The following TET1 variants were observed in gnomAD, a reference collection of about 807,000 sequenced individuals.
The protein encoded by TET1 is tet methylcytosine dioxygenase 1.
Under a neutral mutation model 148.7 loss-of-function variants are expected in TET1, and 13 were observed. That is an observed-to-expected ratio of 0.09 (90% CI 0.06 to 0.14). The LOEUF (loss-of-function observed/expected upper bound fraction) is 0.14, where lower values mean the gene tolerates loss of function less well. TET1 is among the 10% of genes least tolerant of loss of function. The pLI, the probability that TET1 is intolerant of heterozygous loss-of-function variation, is 1.00. For synonymous variants in TET1, 907 were observed against 937.2 expected, an observed-to-expected ratio of 0.97 and a Z score of 0.59; for missense variants, 2,182 against 2,553.8, an observed-to-expected ratio of 0.85 and a Z score of 3.14.
chr10:68,689,125 C>T (rs933168059), intron 11 of TET1, among the ~76,000 whole-genome samples: 2 of 151,946 alleles, frequency 1.3e-5, no homozygotes, highest in Non-Finnish European at 2.9e-5. Context: ...CATCATTTAC[C>T]TTCTGTGGAC....
chr10:68,569,396 G>C (rs926929767), intron 1 of TET1, among the ~76,000 whole-genome samples: 1 of 151,630 alleles, frequency 6.6e-6, no homozygotes, highest in Non-Finnish European at 1.5e-5. Flanking sequence ...GGATGGTCTC[G>C]ATCTCCTGAC....
intron 1 of TET1, among the ~76,000 whole-genome samples, chr10:68,565,180 G>A (rs1316817515): frequency 6.6e-6 from 1 of 152,014 alleles, no homozygotes; most frequent in Non-Finnish European, 1.5e-5. Flanking sequence ...GTATTTATTT[G>A]AAAATACACA....
chr10:68,660,451 T>G (rs141649194), intron 6 of TET1, among the ~76,000 whole-genome samples: 153 of 151,272 alleles, frequency 1.0e-3, no homozygotes, highest in African/African-American at 3.6e-3. Flanking sequence ...GCGATTCTCC[T>G]GTCTCAGCCT....
intron 3 of TET1, among the ~76,000 whole-genome samples, chr10:68,626,596 G>C (rs558124683): frequency 2.0e-5 from 3 of 151,786 alleles, no homozygotes; most frequent in African/African-American, 7.2e-5. Context: ...CTGTCACCAG[G>C]CTGGGGTGCA....
At position 68,682,949 on chromosome 10, in the gene TET1, C is replaced by T. The variant is rs1206625613; in HGVS notation, c.5028C>T (p.His1676=). 4 of 1,613,838 alleles carry T rather than the reference C, an allele frequency of 2.5e-6. No individual in the cohort carries two copies. The highest frequency in any genetic ancestry group is 3.4e-6 in the Non-Finnish European group (4 of 1,179,980). The change falls in exon 10 of 12, where the codon CAC becomes CAT. Residue 1676 remains histidine (H), a synonymous_variant. Coordinates refer to ENST00000373644, the MANE Select transcript of TET1 (RefSeq NM_030625.3). The part of the protein sequence containing the change: ...DFCAHPHRDI[H]NMNNGSTVVC... ...GTGCTCATCCCCACAGGGACATTCA[C>T]AACATGAATAATGGAAGCACTGTGG...
intron 6 of TET1, among the ~76,000 whole-genome samples, chr10:68,653,133 ATCTT>A (rs1335332122): frequency 3.3e-5 from 5 of 151,532 alleles, no homozygotes; most frequent in Non-Finnish European, 5.9e-5. Flanking sequence ...TAGGTTATAA[ATCTT>A]TCATTTTCTT....
chr10:68,674,387 AT>A, intron 8 of TET1: 1 of 260,502 alleles, frequency 3.8e-6, no homozygotes, highest in Non-Finnish European at 7.5e-6. Context: ...TGCTTGATCC[AT>A]TTTCTAAGAA....
chr10:68,618,558 A>G (rs2054327838), intron 3 of TET1, among the ~76,000 whole-genome samples: 1 of 152,180 alleles, frequency 6.6e-6, no homozygotes, highest in Admixed American at 6.6e-5. Context: ...TACTCCTCCA[A>G]TCTGGGACCA....
In TET1 at chr10:68,646,295, T is replaced by C; in HGVS notation, c.3566T>C (p.Ile1189Thr). The change falls in exon 4 of 12, where the codon ATT (isoleucine) becomes ACT (threonine). Residue 1189 changes from isoleucine (I) to threonine (T), a missense_variant. Ile to Thr is a moderately conservative substitution (Grantham distance 89). Transcript: ENST00000373644. ...LSYMYGTICD[I>T]WIASKFQNFG... Reference sequence around the variant, plus strand: ...TATATGTATGGCACAATATGCGACATTTGGATAGCATCGAAATTTCAAAAT... The same window carrying C: ...TATATGTATGGCACAATATGCGACACTTGGATAGCATCGAAATTTCAAAAT... 1 of 1,614,160 alleles carries C rather than the reference T, an allele frequency of 6.2e-7. No homozygotes were observed. Among genetic ancestry groups the C allele is most frequent in the Admixed American group, 1.7e-5 (1 of 60,008 alleles).
intron 6 of TET1, among the ~76,000 whole-genome samples, chr10:68,660,555 T>G (rs1464230907): frequency 1.3e-5 from 2 of 152,072 alleles, no homozygotes; most frequent in Non-Finnish European, 2.9e-5. Flanking sequence ...TTGGCCAGGC[T>G]AGTCTCAAAC....
chr10:68,681,358 G>T (rs752648035), intron 8 of TET1, 41 bp from the exon 9 acceptor site: 3 of 1,292,016 alleles, frequency 2.3e-6, no homozygotes, highest in African/African-American at 2.9e-5. Context: ...ACACATGAAG[G>T]TGCGATTATA....
intron 3 of TET1, among the ~76,000 whole-genome samples, chr10:68,634,256 G>A (rs1166350110): frequency 6.6e-6 from 1 of 152,136 alleles, no homozygotes; most frequent in East Asian, 1.9e-4. Flanking sequence ...TGAACTCAGT[G>A]TGTACTGTAA....
chr10:68,577,531 G>A (rs1478571051), intron 2 of TET1, among the ~76,000 whole-genome samples: 1 of 151,836 alleles, frequency 6.6e-6, no homozygotes, highest in East Asian at 1.9e-4. Flanking sequence ...AGCTGGGCCG[G>A]GTGCATTGGC....
At chr10:68,583,216 G>A (rs751526433) in intron 2 of TET1, among the ~76,000 whole-genome samples, 12 of 152,112 alleles carry the variant, frequency 7.9e-5, no homozygotes, top group Non-Finnish European at 1.5e-4. Flanking sequence ...CAGGCTTTTG[G>A]TTTTTTATTC....
Position 68,578,377 on chromosome 10 carries a change from G to A in TET1, c.1914+4125G>A, listed in dbSNP as rs376289866. ...GGGTTCAAGCAATTCTCCTGCCTCAGCCTGCCGAGTAGCTGGGATTACAGG... is the reference window on the plus strand; with the variant it reads ...GGGTTCAAGCAATTCTCCTGCCTCAACCTGCCGAGTAGCTGGGATTACAGG... On this transcript the variant is annotated intron_variant, in intron 2 of 11. Coordinates refer to ENST00000373644, the MANE Select transcript of TET1 (RefSeq NM_030625.3). Among the ~76,000 whole-genome samples, 8 of 152,040 alleles carry A rather than the reference G, an allele frequency of 5.3e-5. No homozygotes were observed. The East Asian group carries it at 1.5e-3, about 29-fold the overall frequency.
intron 2 of TET1, among the ~76,000 whole-genome samples, chr10:68,597,805 A>G (rs1238371528): frequency 2.0e-5 from 3 of 152,264 alleles, no homozygotes; most frequent in African/African-American, 7.2e-5. Context: ...ACATGGATGA[A>G]CCTTGTAAAT....
At position 68,686,600 on chromosome 10, in the gene TET1, T is replaced by C. The variant is rs867992465; in HGVS notation, c.5297T>C (p.Leu1766Pro). 2 of 1,614,188 alleles carry C rather than the reference T, an allele frequency of 1.2e-6. No homozygotes were observed. Among genetic ancestry groups the C allele is most frequent in the South Asian group, 2.2e-5 (2 of 91,086 alleles). Residue 1766 changes from leucine to proline, a missense_variant, in exon 11 of 12, where the codon CTT becomes CCT. By Grantham distance (98) the Leu-to-Pro change is moderately conservative. Transcript: ENST00000373644. ...KKRAAMMTEV[L>P]AHKIRAVEKK... The stretch of plus-strand genomic sequence containing the variant: ...AGGGCTGCGATGATGACAGAGGTTC[T>C]TGCACATAAGATAAGGGCAGTGGAA...
In TET1 at chr10:68,574,243, G is replaced by A. The variant is rs145064915; in HGVS notation, c.1905G>A (p.Val635=). Residue 635 remains valine, a synonymous_variant, in exon 2 of 12, where the codon GTG becomes GTA. Transcript: ENST00000373644. ...TGAAAAAGAAACCATCTGTTGTTGT[G>A]CCTCTGGAGGTAAGCAAACAGTCAA... The part of the protein sequence containing the change: ...EELKKKPSVV[V]PLEVIKENKR... The A allele has an allele frequency of 2.0e-5, 32 of 1,610,196 alleles. No individual in the cohort carries two copies. In the African/African-American group the frequency reaches 3.3e-4, roughly 17 times the overall value.
rs1196495991 is a variant in TET1, at chr10:68,573,048, G to A, written c.710G>A (p.Ser237Asn). 2 of 1,614,016 alleles carry A rather than the reference G, an allele frequency of 1.2e-6. No individual in the cohort carries two copies. Among genetic ancestry groups the A allele is most frequent in the Non-Finnish European group, 1.7e-6 (2 of 1,180,046 alleles). The stretch of plus-strand genomic sequence containing the variant: ...TCTGAAGAGACATTGAATGATACCA[G>A]TGGTTCCCCAAAAATGTTTGCTCAG... ...LFSEETLNDT[S>N]GSPKMFAQDT... Residue 237 changes from serine (S) to asparagine (N), a missense_variant, in exon 2 of 12, where the codon AGT (serine) becomes AAT (asparagine). Transcript: ENST00000373644.
Sources: allele counts gnomAD v4.1 joint callset (sites outside exome capture counted in the v4.1 genomes callset), GRCh38; gene constraint gnomAD v4.1.1; transcripts MANE v1.5; gene names NCBI Gene and HGNC (gene_info 2026-07-23, HGNC 2026-07-21).